The following ADCY7 variants were observed in gnomAD, a reference collection of about 807,000 sequenced individuals.
ADCY7 encodes adenylate cyclase 7, also known as adenylate cyclase type 7.
In ADCY7, 72 loss-of-function variants were observed where a neutral mutation model predicts 120.6. The ratio of observed to expected loss-of-function variants is 0.60; its 90% CI spans 0.49 to 0.73. ADCY7 has a LOEUF of 0.73. Among genes scored for constraint, ADCY7 ranks in the 30% least tolerant of loss-of-function variants. The pLI, the probability that ADCY7 is intolerant of heterozygous loss-of-function variation, is 0.00. For synonymous variants in ADCY7, 661 were observed against 628.0 expected (o/e 1.05, Z -0.78); for missense variants, 1,227 against 1,486.0 (o/e 0.83, Z 2.87).
chr16:50,251,260 A>G (rs2032748962), intron 1 of ADCY7, among the ~76,000 whole-genome samples: 1 of 152,016 alleles, frequency 6.6e-6, no homozygotes, highest in African/African-American at 2.4e-5. Context: ...AGAAAGAAAA[A>G]GAAAAAAAAG....
intron 1 of ADCY7, among the ~76,000 whole-genome samples, chr16:50,275,605 G>T (rs190872460): frequency 2.6e-5 from 4 of 152,306 alleles, no homozygotes; most frequent in Admixed American, 2.6e-4. Context: ...GTGTATGGGG[G>T]ATCTTTAAAT....
rs2036309519 is a variant in ADCY7 at position 50,309,556 on chromosome 16, G to A, written c.2070G>A (p.Met690Ile). 1 of 1,613,986 alleles carries A rather than the reference G, an allele frequency of 6.2e-7. No individual in the cohort carries two copies. The highest frequency in any genetic ancestry group is 1.3e-5 in the African/African-American group (1 of 75,070). The change falls in exon 18 of 26, where the codon ATG (methionine) becomes ATA (isoleucine). Residue 690 changes from methionine to isoleucine, a missense_variant. Physicochemically the swap from Met to Ile is conservative, Grantham distance 10. This residue lies in a region of ADCY7 where 267 missense variants were observed against 270.0 expected (regional missense o/e 0.99). Coordinates refer to ENST00000673801, the MANE Select transcript of ADCY7 (RefSeq NM_001114.5). ...LTVAIINLPL[M>I]PFQVPELPVG... ...ACCTGTCTCCTCTACAGCCCCTGATGCCTTTCCAAGTTCCAGAGCTGCCTG... is the reference window on the plus strand; with the variant it reads ...ACCTGTCTCCTCTACAGCCCCTGATACCTTTCCAAGTTCCAGAGCTGCCTG...
chr16:50,283,749 A>G (rs1399395183), intron 1 of ADCY7, among the ~76,000 whole-genome samples: 1 of 152,174 alleles, frequency 6.6e-6, no homozygotes, highest in African/African-American at 2.4e-5. Flanking sequence ...AGGGGACGTG[A>G]TACCTCTGCT....
intron 14 of ADCY7, among the ~76,000 whole-genome samples, chr16:50,306,284 T>A (rs959862934): frequency 6.6e-6 from 1 of 151,296 alleles, no homozygotes; most frequent in Non-Finnish European, 1.5e-5. Context: ...TCTGGCAGCA[T>A]CCTCGGCACC....
chr16:50,299,938 C>T (rs2035607741), intron 8 of ADCY7, among the ~76,000 whole-genome samples: 1 of 152,140 alleles, frequency 6.6e-6, no homozygotes, highest in African/African-American at 2.4e-5. Flanking sequence ...CTCCTGTGCT[C>T]AGTGGTGCTA....
At chr16:50,280,249 GGTT>G (rs1314297776) in intron 1 of ADCY7, among the ~76,000 whole-genome samples, 2 of 151,722 alleles carry the variant, frequency 1.3e-5, no homozygotes, top group East Asian at 3.9e-4. Flanking sequence ...AGTTTCTGAT[GGTT>G]GTTTTTTATT....
Position 50,317,894 on chromosome 16 carries a change from TAACAAACA to T in ADCY7, c.*2406_*2413del, listed in dbSNP as rs77844678. ...TTTCTGGCTTATTGAGGAAATTTCC[TAACAAACA>T]AACAAACAAACAAACAGAAGAGAAG... On this transcript the variant is annotated 3_prime_UTR_variant, in exon 26 of 26. Transcript: ENST00000673801. 4.4e-3 allele frequency: 663 copies of T among 151,828 alleles called. 5 individuals are homozygous for T. The highest frequency in any genetic ancestry group is 6.5e-3 in the Non-Finnish European group (444 of 67,876). 9.4% of individuals were successfully genotyped at this position (151,828 alleles called of 1,614,324 possible). A position where few individuals can be genotyped will look rare whatever the true frequency, so the allele number is the denominator to read the frequency against.
In ADCY7 at chr16:50,261,426, C is replaced by A. The variant is rs1321823860; in HGVS notation, c.-64+15223C>A. The stretch of plus-strand genomic sequence containing the variant: ...GATAAGGATGGAAAAGTGAGTTGGG[C>A]CAGGTGGGGGTCCCCGAGAGGCAGG... On this transcript the variant is annotated intron_variant, in intron 1 of 4. Coordinates refer to the ADCY7 transcript ENST00000564044. Among the ~76,000 whole-genome samples the A allele has an allele frequency of 3.1e-4, 47 of 152,054 alleles. 1 individual carries two copies. The highest frequency in any genetic ancestry group is 3.1e-3 in the Admixed American group (47 of 15,264).
chr16:50,291,949 G>A, intron 4 of ADCY7, 52 bp downstream of exon 4: 1 of 1,538,832 alleles, frequency 6.5e-7, no homozygotes, highest in Non-Finnish European at 8.7e-7. Context: ...TGGGTCTAAG[G>A]GCAGATGGGG....
chr16:50,294,637 CAG>C lies in ADCY7; in HGVS notation c.837-2_837-1del. The C allele has an allele frequency of 6.3e-7, 1 of 1,595,642 alleles. No homozygotes were observed. Among genetic ancestry groups the C allele is most frequent in the Non-Finnish European group, 8.6e-7 (1 of 1,166,926 alleles). On this transcript the variant is annotated splice_acceptor_variant, in intron 6 of 25. Coordinates refer to ENST00000673801, the MANE Select transcript of ADCY7 (RefSeq NM_001114.5). LOFTEE classifies it high-confidence loss of function. ...ACTCCCTCCCACCCTGCCCCATCCC[CAG>C]CATCCTCTATGCGGACATCGTGGGC...
At chr16:50,254,320 C>T (rs1172969979) in intron 1 of ADCY7, among the ~76,000 whole-genome samples, 1 of 152,184 alleles carries the variant, frequency 6.6e-6, no homozygotes, top group African/African-American at 2.4e-5. Context: ...ACACAGCCCC[C>T]TCCAGGCACC....
intron 1 of ADCY7, among the ~76,000 whole-genome samples, chr16:50,251,839 G>A (rs539608840): frequency 7.9e-5 from 12 of 152,338 alleles, no homozygotes; most frequent in Non-Finnish European, 1.3e-4. Flanking sequence ...GGGCCACAAA[G>A]CTTGGGTTCT....
At chr16:50,300,906 G>A in intron 9 of ADCY7, 33 bp downstream of exon 9, 1 of 1,549,224 alleles carries the variant, frequency 6.5e-7, no homozygotes, top group Non-Finnish European at 8.7e-7. Flanking sequence ...CAGGGACAGA[G>A]GCCTGGGGCT....
upstream of ADCY7, chr16:50,246,027 C>CCCCCCAG (rs1052721908): frequency 6.6e-5 from 10 of 150,728 alleles, no homozygotes; most frequent in Admixed American, 3.3e-4. Flanking sequence ...CTCCTGGGCG[C>CCCCCCAG]CCCCCAGCCC....
rs1055119523 is a variant in ADCY7, at chr16:50,317,623, A to T, written c.*2118A>T. On this transcript the variant is annotated 3_prime_UTR_variant, in exon 26 of 26. Transcript: ENST00000673801. ...CACTGTGCTGTGCTCAGATAATAAT[A>T]GTTTGTAAGTAAAAGTTTTTAGTTT... The T allele has an allele frequency of 3.9e-5, 6 of 152,508 alleles. No homozygotes were observed. Among genetic ancestry groups the T allele is most frequent in the Admixed American group, 6.5e-5 (1 of 15,306 alleles). 9.4% of individuals were successfully genotyped at this position (152,508 alleles called of 1,614,324 possible).
chr16:50,261,919 A>G (rs2033068303), upstream of ADCY7, among the ~76,000 whole-genome samples: 1 of 152,154 alleles, frequency 6.6e-6, no homozygotes, highest in Non-Finnish European at 1.5e-5. Flanking sequence ...TGACTGTGGC[A>G]TGGACGGTGG....
Position 50,309,638 on chromosome 16 carries a change from C to A in ADCY7, c.2152C>A (p.Pro718Thr), listed in dbSNP as rs200567965. The A allele has an allele frequency of 6.4e-5, 103 of 1,609,822 alleles. No homozygotes were observed. Among genetic ancestry groups the A allele is most frequent in the Admixed American group, 3.7e-4 (22 of 60,018 alleles). Residue 718 changes from proline (P) to threonine (T), a missense_variant, in exon 18 of 26, where the codon CCC (proline) becomes ACC (threonine). Physicochemically the swap from Pro to Thr is conservative, Grantham distance 38 (BLOSUM62 -1). Transcript: ENST00000673801. ...ASSKTRALCE[P>T]LPYYTCSCVL... is the part of the protein sequence containing the mutation. Reference sequence around the variant, plus strand: ...CAGCAAGACAAGAGCCCTGTGTGAGCCCCTCCCGGTGAGTGCGCCGGGCCC... The same window carrying A: ...CAGCAAGACAAGAGCCCTGTGTGAGACCCTCCCGGTGAGTGCGCCGGGCCC...
At chr16:50,294,343 G>A (rs989801792) in intron 6 of ADCY7, among the ~76,000 whole-genome samples, 8 of 152,348 alleles carry the variant, frequency 5.3e-5, no homozygotes, top group African/African-American at 1.9e-4. Context: ...GGAAGGCTCC[G>A]GGCTGCCTGC....
At position 50,291,851 on chromosome 16, in the gene ADCY7, C is replaced by T; in HGVS notation, c.491C>T (p.Ser164Phe). ...STASHLLVLG[S>F]LMGGFTTPSV... is the part of the protein sequence containing the mutation. ...GCCTCCCACCTCCTGGTGCTCGGTT[C>T]TTTGATGGGAGGCTTCACGACACCC... Residue 164 changes from serine (S) to phenylalanine (F), a missense_variant, in exon 4 of 26, where the codon TCT becomes TTT. This residue lies in a region of ADCY7 where 382 missense variants were observed against 411.4 expected (regional missense o/e 0.93). Transcript: ENST00000673801. 2 of 1,613,928 alleles carry T rather than the reference C, an allele frequency of 1.2e-6. No individual in the cohort carries two copies. The highest frequency in any genetic ancestry group is 8.5e-7 in the Non-Finnish European group (1 of 1,179,880).
Sources: allele counts gnomAD v4.1 joint callset (sites outside exome capture counted in the v4.1 genomes callset), GRCh38; gene constraint gnomAD v4.1.1; regional missense constraint gnomAD v4.1.1; transcripts MANE v1.5; gene names NCBI Gene and HGNC (gene_info 2026-07-23, HGNC 2026-07-21).